Variants in PDE4B observed in about 807,000 individuals in gnomAD.
The protein encoded by PDE4B is 3',5'-cyclic-AMP phosphodiesterase 4B.
In PDE4B, 20 loss-of-function variants were observed where a neutral mutation model predicts 82.2. The ratio of observed to expected loss-of-function variants is 0.24; its 90% CI spans 0.17 to 0.35. PDE4B has a LOEUF of 0.35. Ranked by LOEUF, PDE4B falls within the 10% of genes least tolerant of loss-of-function variation. The pLI is 1.00. For missense variants in PDE4B, 655 were observed against 907.2 expected, an observed-to-expected ratio of 0.72 and a Z score of 3.57; for synonymous variants, 320 against 318.9, an observed-to-expected ratio of 1.00 and a Z score of -0.04.
At chr1:66,145,516 T>C (rs1025967236) in intron 3 of PDE4B, among the ~76,000 whole-genome samples, 10 of 152,206 alleles carry the variant, frequency 6.6e-5, no homozygotes, top group Non-Finnish European at 1.5e-4. Context: ...TGGGCTCTTA[T>C]GGGCTCCAAA....
intron 3 of PDE4B, among the ~76,000 whole-genome samples, chr1:66,198,873 T>G (rs910162698): frequency 2.6e-5 from 4 of 152,028 alleles, no homozygotes; most frequent in Non-Finnish European, 5.9e-5. Context: ...TGGTTTTTTG[T>G]CCTTGTGATA....
intron 1 of PDE4B, among the ~76,000 whole-genome samples, chr1:65,866,304 C>G (rs1571037469): frequency 6.6e-6 from 1 of 151,950 alleles, no homozygotes; most frequent in Non-Finnish European, 1.5e-5. Context: ...ACCAAAAACC[C>G]CTGAACATGT....
intron 8 of PDE4B, among the ~76,000 whole-genome samples, chr1:66,353,915 G>T (rs921577774): frequency 6.4e-4 from 98 of 152,102 alleles, no homozygotes; most frequent in Non-Finnish European, 1.2e-3. Flanking sequence ...AGATGGAAAG[G>T]TTAAAAGAGT....
intron 3 of PDE4B, among the ~76,000 whole-genome samples, chr1:65,947,294 GT>G (rs1253042167): frequency 6.6e-6 from 1 of 152,036 alleles, no homozygotes; most frequent in Non-Finnish European, 1.5e-5. Flanking sequence ...ACATTTGCCA[GT>G]TCAGTGGCGA....
intron 3 of PDE4B, among the ~76,000 whole-genome samples, chr1:66,085,113 C>T (rs746227019): frequency 2.6e-5 from 4 of 152,222 alleles, no homozygotes; most frequent in East Asian, 1.9e-4. Context: ...GTGTGTAGAA[C>T]GGAATCGCCT....
intron 3 of PDE4B, among the ~76,000 whole-genome samples, chr1:66,164,345 G>C (rs1256291943): frequency 1.3e-5 from 2 of 151,830 alleles, no homozygotes; most frequent in Admixed American, 1.3e-4. Flanking sequence ...AACCAGCCTG[G>C]CCAACATGGT....
intron 8 of PDE4B, among the ~76,000 whole-genome samples, chr1:66,354,207 A>G (rs762563040): frequency 6.6e-5 from 10 of 152,174 alleles, no homozygotes; most frequent in Non-Finnish European, 1.5e-4. Context: ...TGTTCAGAAA[A>G]TCGATTAATC....
At chr1:66,264,842 G>A (rs554318315) in intron 6 of PDE4B, among the ~76,000 whole-genome samples, 6 of 152,332 alleles carry the variant, frequency 3.9e-5, no homozygotes, top group South Asian at 4.1e-4. Context: ...TCGTTCTCAC[G>A]CTTGCCTGTG....
At chr1:66,159,882 C>T (rs1372397016) in intron 3 of PDE4B, among the ~76,000 whole-genome samples, 1 of 152,152 alleles carries the variant, frequency 6.6e-6, no homozygotes, top group African/African-American at 2.4e-5. Context: ...AGTCTGTTAT[C>T]TTATTTGATC....
chr1:65,955,647 T>C (rs1649221107), intron 3 of PDE4B, among the ~76,000 whole-genome samples: 1 of 152,046 alleles, frequency 6.6e-6, no homozygotes, highest in Non-Finnish European at 1.5e-5. Flanking sequence ...AAGAGCAGGG[T>C]GTTATCCTTT....
intron 3 of PDE4B, among the ~76,000 whole-genome samples, chr1:66,140,810 G>A (rs1326359908): frequency 6.6e-6 from 1 of 152,162 alleles, no homozygotes; most frequent in East Asian, 1.9e-4. Context: ...GCGTTTCACA[G>A]ATTGCTCTAC....
intron 7 of PDE4B, among the ~76,000 whole-genome samples, chr1:66,319,811 A>T (rs905426933): frequency 6.6e-6 from 1 of 152,266 alleles, no homozygotes; most frequent in African/African-American, 2.4e-5. Flanking sequence ...AGACAACTAT[A>T]AAATGGTATT....
intron 3 of PDE4B, among the ~76,000 whole-genome samples, chr1:65,962,864 T>G (rs1649614183): frequency 6.6e-6 from 1 of 152,106 alleles, no homozygotes; most frequent in Non-Finnish European, 1.5e-5. Context: ...AAAGTGAAAG[T>G]GGCTGCTATT....
chr1:66,039,010 C>T (rs1188362557), intron 3 of PDE4B, among the ~76,000 whole-genome samples: 4 of 151,958 alleles, frequency 2.6e-5, no homozygotes, highest in Non-Finnish European at 5.9e-5. Flanking sequence ...TGCAACTCCC[C>T]CAGAATCCCA....
chr1:65,970,133 A>G (rs1374196838), intron 3 of PDE4B, among the ~76,000 whole-genome samples: 3 of 151,904 alleles, frequency 2.0e-5, no homozygotes, highest in Non-Finnish European at 4.4e-5. Context: ...TATTGTACTC[A>G]TGTAGCAGGC....
intron 6 of PDE4B, among the ~76,000 whole-genome samples, chr1:66,260,187 C>T (rs1057292242): frequency 6.6e-6 from 1 of 152,098 alleles, no homozygotes; most frequent in Non-Finnish European, 1.5e-5. Context: ...GGTATTGTTA[C>T]CCCCACTCTA....
intron 3 of PDE4B, among the ~76,000 whole-genome samples, chr1:66,041,494 C>G (rs116539763): frequency 0.011 from 1,731 of 151,988 alleles, 35 homozygotes; most frequent in African/African-American, 0.04. Flanking sequence ...GTATATAGAA[C>G]CATTTGCAAC....
intron 4 of PDE4B, among the ~76,000 whole-genome samples, chr1:66,254,842 T>C (rs1443370697): frequency 6.6e-6 from 1 of 152,152 alleles, no homozygotes; most frequent in Non-Finnish European, 1.5e-5. Flanking sequence ...TACCTATTGG[T>C]TCTCATCAGA....
chr1:66,014,838 C>G (rs1652681884), intron 3 of PDE4B, among the ~76,000 whole-genome samples: 1 of 152,092 alleles, frequency 6.6e-6, no homozygotes, highest in Non-Finnish European at 1.5e-5. Flanking sequence ...CAATAAACAG[C>G]TCCCTAAAGC....
Sources: allele counts gnomAD v4.1 joint callset (sites outside exome capture counted in the v4.1 genomes callset), GRCh38; gene constraint gnomAD v4.1.1; transcripts MANE v1.5; gene names NCBI Gene and HGNC (gene_info 2026-07-23, HGNC 2026-07-21).